The following DKK3 variants were observed in gnomAD, a reference collection of about 807,000 sequenced individuals.
DKK3 encodes the protein dickkopf-related protein 3.
DKK3 carries 22 observed loss-of-function variants against 33.2 expected under a neutral mutation model. That is an observed-to-expected ratio of 0.66 (90% CI 0.47 to 0.95). The LOEUF (loss-of-function observed/expected upper bound fraction) is 0.95. Ranked by LOEUF, DKK3 falls within the 40% of genes least tolerant of loss-of-function variation. The probability of loss-of-function intolerance (pLI) is 0.00; values close to 1 mark genes in which losing one functional copy is unlikely to be tolerated. For synonymous variants in DKK3, 194 were observed against 188.8 expected (o/e 1.03, Z -0.23); for missense variants, 398 against 458.4 (o/e 0.87, Z 1.20).
intron 3 of DKK3, among the ~76,000 whole-genome samples, chr11:11,992,998 C>G (rs946691702): frequency 1.3e-5 from 2 of 152,188 alleles, no homozygotes; most frequent in African/African-American, 4.8e-5. Context: ...TGGTGAAACA[C>G]AGCCTCAGAA....
intron 3 of DKK3, among the ~76,000 whole-genome samples, chr11:11,977,908 T>C (rs1438529476): frequency 6.6e-6 from 1 of 152,330 alleles, no homozygotes; most frequent in African/African-American, 2.4e-5. Context: ...TTAAAGGAGA[T>C]TTAGCCAAAT....
intron 2 of DKK3, 37 bp from the exon 3 acceptor site, chr11:11,998,816 G>A (rs775672007): frequency 6.4e-7 from 1 of 1,560,028 alleles, no homozygotes; most frequent in South Asian, 1.1e-5. Context: ...TAAAATAGAA[G>A]GAATTCTGGA....
chr11:11,997,157 G>C (rs1189651851), intron 3 of DKK3, among the ~76,000 whole-genome samples: 1 of 152,244 alleles, frequency 6.6e-6, no homozygotes, highest in Non-Finnish European at 1.5e-5. Flanking sequence ...AGCAGGTGCA[G>C]ATGTGCTCAC....
chr11:11,971,943 C>T (rs1847734118), intron 3 of DKK3, among the ~76,000 whole-genome samples: 1 of 152,148 alleles, frequency 6.6e-6, no homozygotes, highest in Non-Finnish European at 1.5e-5. Context: ...GTTAGTTCCA[C>T]ATGACTCCCC....
At chr11:11,970,242 C>A (rs1424585055) in intron 3 of DKK3, among the ~76,000 whole-genome samples, 2 of 152,134 alleles carry the variant, frequency 1.3e-5, no homozygotes, top group African/African-American at 4.8e-5. Flanking sequence ...TGTGAGGAGG[C>A]CTCTGCCCTT....
chr11:11,973,460 A>G (rs2135011995), intron 3 of DKK3, among the ~76,000 whole-genome samples: 1 of 152,326 alleles, frequency 6.6e-6, no homozygotes, highest in Middle Eastern at 3.4e-3. Flanking sequence ...CCCAAATGTC[A>G]TATGGCTGGA....
In DKK3 at chr11:11,964,256, T is replaced by C. The variant is rs1457135286; in HGVS notation, c.*208A>G. ...ACTGCTCCTGCAGTTTAACCCTGCC[T>C]GACTCTCCCAAGCACCAGACTGTGA... is the stretch of plus-strand genomic sequence containing the variant. On this transcript the variant is annotated 3_prime_UTR_variant, in exon 7 of 7. Transcript: ENST00000683431. 6.1e-6 allele frequency: 4 copies of C among 653,484 alleles called. No individual in the cohort carries two copies. The highest frequency in any genetic ancestry group is 1.0e-5 in the Non-Finnish European group (4 of 386,584). 40.5% of individuals were successfully genotyped at this position (653,484 alleles called of 1,614,324 possible).
chr11:11,998,609 G>T (rs1848350162), intron 3 of DKK3, 87 bp downstream of exon 3: 2 of 1,156,654 alleles, frequency 1.7e-6, no homozygotes, highest in African/African-American at 3.0e-5. Context: ...TCCTGCCCAT[G>T]GTCTGCATCT....
In DKK3 at chr11:12,008,236, G is replaced by A. The variant is rs986422683; in HGVS notation, c.213+134C>T. The A allele has an allele frequency of 5.9e-6, 7 of 1,182,178 alleles. No individual in the cohort carries two copies. The Admixed American group carries it at 1.1e-4, about 18-fold the overall frequency. 73.2% of individuals were successfully genotyped at this position (1,182,178 alleles called of 1,614,324 possible). A position where few individuals can be genotyped will look rare whatever the true frequency, so the allele number is the denominator to read the frequency against. On this transcript the variant is annotated intron_variant, in intron 1 of 6. Coordinates refer to ENST00000683431, the MANE Select transcript of DKK3 (RefSeq NM_001018057.2). This position sits in a 1 kb window ranked among gnomAD's most constrained non-coding sequence, Gnocchi z 4.6. ...CCGTGCGCTGCCTCCAGGTCACTCC[G>A]CATCTGCTGTCGGCCCTTCCCAGGC...
chr11:11,980,866 C>T (rs1315332657), intron 3 of DKK3, among the ~76,000 whole-genome samples: 2 of 152,164 alleles, frequency 1.3e-5, no homozygotes, highest in Non-Finnish European at 2.9e-5. Flanking sequence ...GAGGGGTGGT[C>T]CTGTCCAGGC....
intron 3 of DKK3, among the ~76,000 whole-genome samples, chr11:11,981,895 T>TC (rs150904558): frequency 0.066 from 10,094 of 151,990 alleles, 696 homozygotes; most frequent in African/African-American, 0.17. Flanking sequence ...GCTAGGCAGC[T>TC]CCCCCACCCC....
upstream of DKK3, chr11:12,009,067 C>T (rs1303541326): frequency 1.5e-5 from 15 of 986,184 alleles, no homozygotes; most frequent in Non-Finnish European, 1.8e-5. Context: ...AGGTCAGCCC[C>T]CTCCCCTTGG....
chr11:11,991,901 TC>T (rs1480630720), intron 3 of DKK3, among the ~76,000 whole-genome samples: 1 of 152,178 alleles, frequency 6.6e-6, no homozygotes, highest in African/African-American at 2.4e-5. Context: ...TACCTGGTTT[TC>T]CCCTGCACCA....
chr11:12,003,814 C>T (rs757018965), intron 1 of DKK3, among the ~76,000 whole-genome samples: 8 of 151,924 alleles, frequency 5.3e-5, no homozygotes, highest in Non-Finnish European at 1.2e-4. Context: ...CCCTTAAGTA[C>T]TAGATGAGCC....
intron 3 of DKK3, among the ~76,000 whole-genome samples, chr11:11,977,811 C>T (rs1479771733): frequency 6.6e-6 from 1 of 152,212 alleles, no homozygotes; most frequent in East Asian, 1.9e-4. Flanking sequence ...GACCCGCTGC[C>T]TCCTCCATGG....
chr11:11,988,780 C>T (rs1038909), intron 3 of DKK3, among the ~76,000 whole-genome samples: 23 of 152,018 alleles, frequency 1.5e-4, no homozygotes, highest in Non-Finnish European at 2.9e-4. Flanking sequence ...ACAATCTCCA[C>T]GATGCAGCCT....
At chr11:12,006,299 C>T (rs1354143165) in intron 1 of DKK3, among the ~76,000 whole-genome samples, 1 of 152,164 alleles carries the variant, frequency 6.6e-6, no homozygotes, top group Non-Finnish European at 1.5e-5. Flanking sequence ...TTGACCTGAC[C>T]AGTGGATATT....
intron 3 of DKK3, among the ~76,000 whole-genome samples, chr11:11,995,407 C>A (rs984091828): frequency 2.0e-5 from 3 of 152,136 alleles, no homozygotes; most frequent in African/African-American, 7.2e-5. Flanking sequence ...TGGCCAGTAT[C>A]TTGGAGTTGC....
In DKK3 at chr11:12,005,471, A is replaced by C. The variant is rs1358349575; in HGVS notation, c.213+2899T>G. 2.0e-5 allele frequency among the ~76,000 whole-genome samples: 3 copies of C among 152,218 alleles called. No homozygotes were observed. In the East Asian group the frequency reaches 5.8e-4, roughly 29 times the overall value. On this transcript the variant is annotated intron_variant, in intron 1 of 6. Coordinates refer to ENST00000683431, the MANE Select transcript of DKK3 (RefSeq NM_001018057.2). ...TTACAGAGCTGGCCATGAGGGGAAG[A>C]GAAACAGAGTGGTTATATCTTCAGA...
Sources: allele counts gnomAD v4.1 joint callset (sites outside exome capture counted in the v4.1 genomes callset), GRCh38; gene constraint gnomAD v4.1.1; non-coding constraint Gnocchi (gnomAD v3.1); transcripts MANE v1.5; gene names NCBI Gene and HGNC (gene_info 2026-07-23, HGNC 2026-07-21).